Variants in MYO5A observed in about 807,000 individuals in gnomAD.
The protein encoded by MYO5A is unconventional myosin-Va.
MYO5A carries 98 observed loss-of-function variants against 249.7 expected under a neutral mutation model. The observed-to-expected ratio is 0.39, with a 90% CI of 0.33 to 0.46. The LOEUF (loss-of-function observed/expected upper bound fraction) is 0.46. Among genes scored for constraint, MYO5A ranks in the 20% least tolerant of loss-of-function variants. The pLI, the probability that MYO5A is intolerant of heterozygous loss-of-function variation, is 0.98. For missense variants in MYO5A, 1,696 were observed against 2,308.8 expected (o/e 0.73, Z 5.44); for synonymous variants, 778 against 810.6 (o/e 0.96, Z 0.68).
At chr15:52,324,884 A>G (rs559888852) in intron 36 of MYO5A, among the ~76,000 whole-genome samples, 1 of 152,350 alleles carries the variant, frequency 6.6e-6, no homozygotes, top group Admixed American at 6.5e-5. Context: ...CTGAGACAGA[A>G]TTACTGAGTT....
Position 52,314,118 on chromosome 15 carries a change from C to G in MYO5A, c.5490+5G>C, listed in dbSNP as rs750596383. ...TGAATCAAAGAAGAAGATGGGAGCT[C>G]TTACCTGTATAGTACGAATGAACGA... On this transcript the variant is annotated splice_donor_5th_base_variant and intron_variant, in intron 41 of 41. Coordinates refer to ENST00000399233, the MANE Select transcript of MYO5A (RefSeq NM_001382347.1). 5 of 1,599,990 alleles carry G rather than the reference C, an allele frequency of 3.1e-6. No individual in the cohort carries two copies. In the South Asian group the frequency reaches 5.5e-5, roughly 18 times the overall value.
chr15:52,478,056 C>T (rs1331027005), intron 1 of MYO5A, among the ~76,000 whole-genome samples: 1 of 152,330 alleles, frequency 6.6e-6, no homozygotes, highest in South Asian at 2.1e-4. Flanking sequence ...GCGGTGGGCT[C>T]CACCCAGTTC....
intron 31 of MYO5A, among the ~76,000 whole-genome samples, chr15:52,341,543 G>A (rs1355442002): frequency 2.6e-5 from 4 of 152,106 alleles, no homozygotes; most frequent in Non-Finnish European, 4.4e-5. Flanking sequence ...GCAAAGTTAT[G>A]GTTAAGAACT....
intron 1 of MYO5A, among the ~76,000 whole-genome samples, chr15:52,471,443 A>AAAAAAG (rs1169680143): frequency 2.0e-5 from 3 of 151,866 alleles, no homozygotes; most frequent in Non-Finnish European, 4.4e-5. Context: ...GTCTCATTTG[A>AAAAAAG]AAAAAGAAAA....
In MYO5A at chr15:52,407,397, T is replaced by C; in HGVS notation, c.841A>G (p.Asn281Asp). 1.9e-6 allele frequency: 3 copies of C among 1,611,122 alleles called. No individual in the cohort carries two copies. Among genetic ancestry groups the C allele is most frequent in the South Asian group, 2.2e-5 (2 of 91,030 alleles). ...LPEFKMLRLG[N>D]ADNFNYTKQG... ...TTTGTGTAATTAAAGTTATCTGCAT[T>C]TCCTGTAATGAAGAAAAATAAAAAT... is the stretch of plus-strand genomic sequence containing the variant. The change falls in exon 8 of 42, where the codon AAT becomes GAT. Residue 281 changes from asparagine (N) to aspartate (D), a missense_variant and splice_region_variant. Around this residue, in one of 5 missense-constraint regions of MYO5A, gnomAD observed 185 missense variants for 204.8 expected, o/e 0.90. Transcript: ENST00000399233.
chr15:52,464,487 A>G (rs571773399), intron 1 of MYO5A, among the ~76,000 whole-genome samples: 4 of 152,184 alleles, frequency 2.6e-5, no homozygotes, highest in Non-Finnish European at 5.9e-5. Flanking sequence ...GAAAAAGTCC[A>G]CCCTGACTAC....
At chr15:52,320,194 T>G (rs1417820705) in intron 38 of MYO5A, among the ~76,000 whole-genome samples, 3 of 152,220 alleles carry the variant, frequency 2.0e-5, no homozygotes, top group Non-Finnish European at 4.4e-5. Flanking sequence ...GCTGCTTCCC[T>G]GTTGTGCTCT....
At chr15:52,486,699 G>C (rs1286835685) in intron 1 of MYO5A, among the ~76,000 whole-genome samples, 2 of 152,152 alleles carry the variant, frequency 1.3e-5, no homozygotes, top group Non-Finnish European at 2.9e-5. Context: ...GAAAAAGAAA[G>C]ACTATGTTAC....
chr15:52,506,255 G>A (rs2077268827), intron 1 of MYO5A, among the ~76,000 whole-genome samples: 1 of 152,150 alleles, frequency 6.6e-6, no homozygotes, highest in South Asian at 2.1e-4. Flanking sequence ...GGAGGCTGAG[G>A]CAGGAGAATG....
chr15:52,475,510 C>T (rs1287825195), intron 1 of MYO5A, among the ~76,000 whole-genome samples: 1 of 152,138 alleles, frequency 6.6e-6, no homozygotes, highest in Non-Finnish European at 1.5e-5. Context: ...TTCCTGGTTT[C>T]TCTTGTGGGC....
intron 1 of MYO5A, among the ~76,000 whole-genome samples, chr15:52,466,742 A>T (rs1481219385): frequency 6.6e-6 from 1 of 152,146 alleles, no homozygotes; most frequent in East Asian, 1.9e-4. Flanking sequence ...GCTCCATTCC[A>T]GCTTTGCCCC....
At chr15:52,422,554 C>A (rs2075303532) in intron 4 of MYO5A, among the ~76,000 whole-genome samples, 1 of 152,108 alleles carries the variant, frequency 6.6e-6, no homozygotes, top group African/African-American at 2.4e-5. Flanking sequence ...AAGGCTTTGC[C>A]AGTTCTGTCT....
intron 1 of MYO5A, among the ~76,000 whole-genome samples, chr15:52,462,137 G>C (rs2076263954): frequency 6.6e-6 from 1 of 151,348 alleles, no homozygotes; most frequent in African/African-American, 2.4e-5. Context: ...ATGGTGGCAG[G>C]CGCCTGTAGT....
intron 37 of MYO5A, among the ~76,000 whole-genome samples, chr15:52,321,746 G>T (rs918237620): frequency 3.1e-5 from 4 of 130,576 alleles, no homozygotes; most frequent in African/African-American, 1.2e-4. Context: ...TAGCATTTAA[G>T]TCTTCCCAAT....
intron 33 of MYO5A, among the ~76,000 whole-genome samples, chr15:52,337,032 T>C (rs978911194): frequency 3.3e-5 from 5 of 152,178 alleles, no homozygotes; most frequent in African/African-American, 1.2e-4. Flanking sequence ...AAATTAGCCC[T>C]GAAACTTAAG....
intron 1 of MYO5A, among the ~76,000 whole-genome samples, chr15:52,527,302 A>G (rs2077746074): frequency 6.6e-6 from 1 of 152,358 alleles, no homozygotes; most frequent in Admixed American, 6.5e-5. Context: ...TTAAAACAGT[A>G]CCTGGCACAT....
intron 34 of MYO5A, among the ~76,000 whole-genome samples, chr15:52,332,341 C>T (rs1459019447): frequency 2.0e-5 from 3 of 152,076 alleles, no homozygotes; most frequent in African/African-American, 7.2e-5. Flanking sequence ...AAACTATAAC[C>T]CATCAACAAT....
intron 1 of MYO5A, among the ~76,000 whole-genome samples, chr15:52,485,132 T>C (rs7176554): frequency 0.94 from 142,731 of 152,156 alleles, 67,634 homozygotes; most frequent in East Asian, 1. Flanking sequence ...ATGTAAGTCA[T>C]TACAAATGAT....
At chr15:52,333,615 T>C (rs191142536) in intron 34 of MYO5A, among the ~76,000 whole-genome samples, 123 of 152,332 alleles carry the variant, frequency 8.1e-4, no homozygotes, top group Middle Eastern at 6.8e-3. Flanking sequence ...GGTGAAAATA[T>C]AGCACAAAGC....
Sources: gnomAD v4.1 joint callset for allele counts (sites outside exome capture counted in the v4.1 genomes callset) on GRCh38, gnomAD v4.1.1 for gene constraint, gnomAD v4.1.1 regional missense constraint, MANE v1.5 for transcripts, NCBI Gene and HGNC (gene_info 2026-07-23, HGNC 2026-07-21) for gene names.